TTLL9: variants seen among roughly 807,000 people sequenced by gnomAD.
TTLL9 encodes the protein tubulin tyrosine ligase like 9, also known as probable tubulin polyglutamylase TTLL9.
TTLL9 carries 47 observed loss-of-function variants against 65.6 expected under a neutral mutation model. That is an observed-to-expected ratio of 0.72 (90% CI 0.57 to 0.91). The LOEUF is 0.91. Among genes scored for constraint, TTLL9 ranks in the 40% least tolerant of loss-of-function variants. The pLI is 0.00. For missense variants in TTLL9, 537 were observed against 568.8 expected, an observed-to-expected ratio of 0.94 and a Z score of 0.57; for synonymous variants, 179 against 204.8, an observed-to-expected ratio of 0.87 and a Z score of 1.07.
In TTLL9 at chr20:31,933,790, C is replaced by T. The variant is rs756942394; in HGVS notation, c.749-10C>T. ...GTTCACGCTGACCCTTGACCACCAC[C>T]CTCTCCCAGATGTTCACCTCACCAA... is the stretch of plus-strand genomic sequence containing the variant. On this transcript the variant is annotated splice_polypyrimidine_tract_variant and intron_variant, in intron 10 of 14. Transcript: ENST00000535842. The T allele has an allele frequency of 1.2e-4, 201 of 1,613,538 alleles. No individual in the cohort carries two copies. Among genetic ancestry groups the T allele is most frequent in the Non-Finnish European group, 1.6e-4 (192 of 1,179,666 alleles).
intron 9 of TTLL9, 29 bp from the exon 10 acceptor site, chr20:31,926,020 A>T (rs1274916964): frequency 6.2e-7 from 1 of 1,613,498 alleles, no homozygotes; most frequent in Non-Finnish European, 8.5e-7. Flanking sequence ...CACTCTGGCC[A>T]GTCCCAAGTG....
At chr20:31,880,046 G>T in intron 2 of TTLL9, 2 of 690,664 alleles carry the variant, frequency 2.9e-6, no homozygotes, top group Non-Finnish European at 4.8e-6. Flanking sequence ...TCTCGCGGAG[G>T]AATTCCGAAA....
At chr20:31,871,312 C>A (rs2062928049) in intron 2 of TTLL9, 117 bp downstream of exon 2, 3 of 1,032,604 alleles carry the variant, frequency 2.9e-6, no homozygotes, top group Non-Finnish European at 3.0e-6. Flanking sequence ...AGGTTTGAGG[C>A]CCTGTTCACC....
At chr20:31,900,245 G>A (rs189804414) in intron 4 of TTLL9, among the ~76,000 whole-genome samples, 35 of 152,252 alleles carry the variant, frequency 2.3e-4, no homozygotes, top group Non-Finnish European at 4.3e-4. Flanking sequence ...CTAACATTTC[G>A]CATGCATGAT....
rs556330019 is a variant in TTLL9 at position 31,935,017 on chromosome 20, C to T, written c.1004+129C>T. ...TTGTGCACACTTACATTTACTGTGC[C>T]TCAATTTGCCCATTTGTAAATGGGG... On this transcript the variant is annotated intron_variant, in intron 12 of 14. Coordinates refer to ENST00000535842, the MANE Select transcript of TTLL9 (RefSeq NM_001008409.5). The T allele has an allele frequency of 6.9e-6, 6 of 874,268 alleles. No homozygotes were observed. In the Admixed American group the frequency reaches 1.1e-4, roughly 15 times the overall value. The allele number at this position is 874,268 out of a possible 1,614,324, so 54.2% of individuals were successfully genotyped here.
intron 2 of TTLL9, among the ~76,000 whole-genome samples, chr20:31,880,699 G>T (rs552129314): frequency 6.6e-6 from 1 of 151,920 alleles, no homozygotes; most frequent in African/African-American, 2.4e-5. Context: ...CACTATGTTG[G>T]CCAGGTCTCG....
At chr20:31,938,777 CTGAG>C (rs1465309535) in intron 13 of TTLL9, among the ~76,000 whole-genome samples, 3 of 152,146 alleles carry the variant, frequency 2.0e-5, no homozygotes, top group African/African-American at 4.8e-5. Context: ...ACTCAAGAGG[CTGAG>C]TGAGGAGAAT....
chr20:31,895,254 T>C (rs958521700), intron 3 of TTLL9, among the ~76,000 whole-genome samples: 1 of 152,202 alleles, frequency 6.6e-6, no homozygotes. Context: ...TTATGAGAGC[T>C]GGCGAGTTCA....
At chr20:31,872,619 C>T (rs2062954059) in intron 2 of TTLL9, among the ~76,000 whole-genome samples, 1 of 151,918 alleles carries the variant, frequency 6.6e-6, no homozygotes, top group African/African-American at 2.4e-5. Context: ...TGAGCCCAGG[C>T]GGTGGAGGCT....
At chr20:31,934,988 A>C in intron 12 of TTLL9, 100 bp downstream of exon 12, 6 of 1,162,472 alleles carry the variant, frequency 5.2e-6, no homozygotes, top group Non-Finnish European at 7.4e-6. Flanking sequence ...CTAGTTGTAT[A>C]ACCTTGTGCA....
At chr20:31,879,617 C>A in intron 2 of TTLL9, 1 of 508,832 alleles carries the variant, frequency 2.0e-6, no homozygotes, top group Non-Finnish European at 3.5e-6. Flanking sequence ...AGGGAGCCAG[C>A]CTCTGAACGA....
intron 4 of TTLL9, among the ~76,000 whole-genome samples, chr20:31,900,226 C>G (rs2063457263): frequency 6.6e-6 from 1 of 152,222 alleles, no homozygotes; most frequent in African/African-American, 2.4e-5. Context: ...GCTAAGTCTG[C>G]TGGACACTCT....
At position 31,870,737 on chromosome 20, in the gene TTLL9, C is replaced by T; in HGVS notation, c.-218C>T. 5.5e-6 allele frequency: 3 copies of T among 540,696 alleles called. No homozygotes were observed. The highest frequency in any genetic ancestry group is 5.3e-5 in the South Asian group (1 of 19,036). The allele number at this position is 540,696 out of a possible 1,614,324, so 33.5% of individuals were successfully genotyped here. On this transcript the variant is annotated 5_prime_UTR_variant, in exon 1 of 15. Transcript: ENST00000535842. The surrounding 1 kb of genome is among the most constrained non-coding windows in gnomAD (Gnocchi z 6.6). Reference sequence around the variant, plus strand: ...CGGGGGCCTTACCCCACCCTGGCACCGGCAGGCGCGGGCGGATGGGGGGAT... The same window carrying T: ...CGGGGGCCTTACCCCACCCTGGCACTGGCAGGCGCGGGCGGATGGGGGGAT...
chr20:31,880,028 T>TG, intron 2 of TTLL9: 2 of 125,520 alleles, frequency 1.6e-5, no homozygotes, highest in South Asian at 9.3e-5. Flanking sequence ...GGGGGCGGGG[T>TG]GGGTTGTTCT....
At chr20:31,909,016 G>T (rs2063602735) in intron 5 of TTLL9, among the ~76,000 whole-genome samples, 1 of 151,876 alleles carries the variant, frequency 6.6e-6, no homozygotes, top group Non-Finnish European at 1.5e-5. Context: ...GAGGCAAGTT[G>T]AGAAGTTTGG....
At chr20:31,917,903 A>T (rs574168483) in intron 6 of TTLL9, among the ~76,000 whole-genome samples, 169 of 152,204 alleles carry the variant, frequency 1.1e-3, no homozygotes, top group African/African-American at 3.5e-3. Context: ...TCAGGGCGGG[A>T]GAGTTTATTA....
intron 2 of TTLL9, among the ~76,000 whole-genome samples, chr20:31,873,426 A>G (rs921646562): frequency 7.2e-5 from 11 of 152,246 alleles, no homozygotes; most frequent in African/African-American, 2.6e-4. Flanking sequence ...AAGCGGGAAC[A>G]TCGCTTGAGC....
intron 3 of TTLL9, among the ~76,000 whole-genome samples, chr20:31,892,619 A>G (rs1414277367): frequency 6.6e-6 from 1 of 152,186 alleles, no homozygotes; most frequent in African/African-American, 2.4e-5. Flanking sequence ...CTGCTGTGAT[A>G]GATTGTTTTG....
chr20:31,884,286 C>T (rs531673534), intron 2 of TTLL9, among the ~76,000 whole-genome samples: 7 of 152,154 alleles, frequency 4.6e-5, no homozygotes, highest in South Asian at 4.1e-4. Flanking sequence ...AGTGCAGTGG[C>T]GCAATCTCAG....
Sources: allele counts gnomAD v4.1 joint callset (sites outside exome capture counted in the v4.1 genomes callset), GRCh38; gene constraint gnomAD v4.1.1; non-coding constraint Gnocchi (gnomAD v3.1); transcripts MANE v1.5; gene names NCBI Gene and HGNC (gene_info 2026-07-23, HGNC 2026-07-21).